The following ATP6V1D variants were observed in gnomAD, a reference collection of about 807,000 sequenced individuals.
ATP6V1D encodes ATPase H+ transporting V1 subunit D.
ATP6V1D carries 20 observed loss-of-function variants against 39.4 expected under a neutral mutation model. The observed-to-expected ratio is 0.51, with a 90% CI of 0.36 to 0.74. The LOEUF is 0.74. Among genes scored for constraint, ATP6V1D ranks in the 30% least tolerant of loss-of-function variants. ATP6V1D has a pLI of 0.00. For synonymous variants in ATP6V1D, 100 were observed against 100.5 expected (o/e 0.99, Z 0.03); for missense variants, 228 against 291.6 (o/e 0.78, Z 1.59).
chr14:67,346,529 G>C (rs1053694307), intron 5 of ATP6V1D, among the ~76,000 whole-genome samples: 1 of 152,202 alleles, frequency 6.6e-6, no homozygotes, highest in Non-Finnish European at 1.5e-5. Context: ...TGCCCAGGCT[G>C]GTCTCAAACT....
chr14:67,339,053 G>A (rs1476405837), intron 8 of ATP6V1D, among the ~76,000 whole-genome samples: 2 of 148,964 alleles, frequency 1.3e-5, no homozygotes, highest in Admixed American at 6.7e-5. Flanking sequence ...GAGTGCAGTG[G>A]CGCACGCAAT....
intron 2 of ATP6V1D, among the ~76,000 whole-genome samples, chr14:67,350,912 C>T: frequency 6.6e-6 from 1 of 152,110 alleles, no homozygotes; most frequent in Non-Finnish European, 1.5e-5. Context: ...AGAATAAATG[C>T]ATTGAGAAAC....
At chr14:67,348,719 A>T (rs977822924) in intron 4 of ATP6V1D, 8 of 210,712 alleles carry the variant, frequency 3.8e-5, no homozygotes, top group Non-Finnish European at 6.7e-5. Context: ...ATGGGGTTTC[A>T]CCATGTTGGC....
At position 67,356,219 on chromosome 14, in the gene ATP6V1D, A is replaced by G. The variant is rs557893100; in HGVS notation, c.42-3179T>C. ...TGGATAACTTGAGGTCAGGAGTTCGAGACCACCCTGGCCAACATAGTGAAA... is the reference window on the plus strand; with the variant it reads ...TGGATAACTTGAGGTCAGGAGTTCGGGACCACCCTGGCCAACATAGTGAAA... On this transcript the variant is annotated intron_variant, in intron 1 of 8. Transcript: ENST00000216442. 3.3e-5 allele frequency among the ~76,000 whole-genome samples: 5 copies of G among 152,248 alleles called. No individual in the cohort carries two copies. The South Asian group carries it at 1.0e-3, about 32-fold the overall frequency.
Position 67,352,942 on chromosome 14 carries a change from A to C in ATP6V1D, c.140T>G (p.Ile47Ser). ...SDALTLRFRQ[I>S]LKKIIETKML... ...TTCTACCTCTATTATCTTCTTTAGG[A>C]TCTGTCGAAATCGAAGAGTTAAGGC... Residue 47 changes from isoleucine (I) to serine (S), a missense_variant, in exon 2 of 9, where the codon ATC becomes AGC. Around this residue, in one of 3 missense-constraint regions of ATP6V1D, gnomAD observed 104 missense variants for 120.2 expected, o/e 0.87. Transcript: ENST00000216442. The C allele has an allele frequency of 6.2e-7, 1 of 1,609,772 alleles. No individual in the cohort carries two copies. The highest frequency in any genetic ancestry group is 8.5e-7 in the Non-Finnish European group (1 of 1,176,202).
intron 3 of ATP6V1D, among the ~76,000 whole-genome samples, chr14:67,349,528 A>T (rs920578899): frequency 6.6e-6 from 1 of 152,162 alleles, no homozygotes; most frequent in Non-Finnish European, 1.5e-5. Context: ...GTGACTTCTC[A>T]AATGTTACCA....
At chr14:67,346,941 T>C (rs948009184) in intron 5 of ATP6V1D, among the ~76,000 whole-genome samples, 13 of 152,248 alleles carry the variant, frequency 8.5e-5, no homozygotes, top group African/African-American at 3.1e-4. Context: ...TGATAAAATA[T>C]TGAAATATTT....
intron 1 of ATP6V1D, among the ~76,000 whole-genome samples, chr14:67,357,011 A>G (rs771700214): frequency 6.6e-5 from 10 of 152,204 alleles, no homozygotes; most frequent in Non-Finnish European, 1.3e-4. Context: ...TTTTCCTCCT[A>G]GGGAATGGCA....
chr14:67,348,366 G>A (rs1422082785), intron 4 of ATP6V1D, among the ~76,000 whole-genome samples: 1 of 151,270 alleles, frequency 6.6e-6, no homozygotes, highest in South Asian at 2.1e-4. Context: ...CATCACACCC[G>A]GCCTAATTTT....
Position 67,347,464 on chromosome 14 carries a change from C to G in ATP6V1D, c.308-11G>C. Reference sequence around the variant, plus strand: ...CTGGCAAAGTAACACCTGTTAAACACAGAAGCATACATGGATTCATAAACC... The same window carrying G: ...CTGGCAAAGTAACACCTGTTAAACAGAGAAGCATACATGGATTCATAAACC... On this transcript the variant is annotated splice_polypyrimidine_tract_variant and intron_variant, in intron 4 of 8. Transcript: ENST00000216442. 1 of 1,592,548 alleles carries G rather than the reference C, an allele frequency of 6.3e-7. No individual in the cohort carries two copies.
rs748614540 is a variant in ATP6V1D, at chr14:67,345,775, G to C, written c.449C>G (p.Ser150Cys). The C allele has an allele frequency of 1.2e-6, 2 of 1,611,622 alleles. No individual in the cohort carries two copies. Among genetic ancestry groups the C allele is most frequent in the South Asian group, 2.2e-5 (2 of 90,990 alleles). The change falls in exon 6 of 9, where the codon TCT becomes TGT. Residue 150 changes from serine (S) to cysteine (C), a missense_variant. Around this residue, in one of 3 missense-constraint regions of ATP6V1D, gnomAD observed 114 missense variants for 128.3 expected, o/e 0.89. Transcript: ENST00000216442. ...AGGTCTTTTGCTACTTACCTGCAGA[G>C]AAGCTAGTTCCACCAGTAGTTCCAC... Reference protein sequence around the residue: ...KAVELLVELASLQTSFVTLDE... With the variant: ...KAVELLVELACLQTSFVTLDE...
intron 7 of ATP6V1D, 115 bp downstream of exon 7, chr14:67,343,257 G>A: frequency 1.4e-6 from 1 of 738,896 alleles, no homozygotes; most frequent in South Asian, 2.4e-5. Flanking sequence ...CTGTGGGCAA[G>A]GGAAGCATCT....
chr14:67,347,473 A>G lies in ATP6V1D; in HGVS notation c.308-20T>C. On this transcript the variant is annotated intron_variant, in intron 4 of 8. Transcript: ENST00000216442. ...TAACACCTGTTAAACACAGAAGCATACATGGATTCATAAACCTTTAAGTTC... is the reference window on the plus strand; with the variant it reads ...TAACACCTGTTAAACACAGAAGCATGCATGGATTCATAAACCTTTAAGTTC... 6.3e-7 allele frequency: 1 copy of G among 1,583,148 alleles called. No homozygotes were observed. The highest frequency in any genetic ancestry group is 2.3e-5 in the East Asian group (1 of 44,360).
At chr14:67,350,741 A>G in intron 2 of ATP6V1D, 51 bp from the exon 3 acceptor site, 1 of 1,482,680 alleles carries the variant, frequency 6.7e-7, no homozygotes, top group Non-Finnish European at 9.4e-7. Flanking sequence ...TTACAAGGAA[A>G]TATTCCATCA....
intron 4 of ATP6V1D, 49 bp from the exon 5 acceptor site, chr14:67,347,502 C>CAT: frequency 2.7e-6 from 3 of 1,112,678 alleles, no homozygotes; most frequent in Non-Finnish European, 3.8e-6. Context: ...TAAGTTCTCT[C>CAT]TTTTTTTTTT....
At chr14:67,349,199 G>A (rs987400742) in intron 3 of ATP6V1D, 95 bp from the exon 4 acceptor site, 9 of 1,172,794 alleles carry the variant, frequency 7.7e-6, no homozygotes, top group Non-Finnish European at 1.1e-5. Context: ...GAGACCAAGA[G>A]TGAGATGTCA....
chr14:67,342,557 C>CTT (rs767148771), intron 7 of ATP6V1D, among the ~76,000 whole-genome samples: 2,591 of 136,936 alleles, frequency 0.019, 38 homozygotes, highest in African/African-American at 0.024. Flanking sequence ...ACGAATTATC[C>CTT]TTTTTTTTTT....
intron 5 of ATP6V1D, 150 bp downstream of exon 5, chr14:67,347,259 G>C: frequency 4.8e-6 from 3 of 625,290 alleles, no homozygotes; most frequent in Non-Finnish European, 8.2e-6. Context: ...TTGATTAACT[G>C]ATCAACTATT....
At chr14:67,351,601 T>C (rs2085653879) in intron 2 of ATP6V1D, among the ~76,000 whole-genome samples, 1 of 152,118 alleles carries the variant, frequency 6.6e-6, no homozygotes, top group Non-Finnish European at 1.5e-5. Flanking sequence ...TTCAAACTCA[T>C]AGGCTCAGGC....
Sources: allele counts gnomAD v4.1 joint callset (sites outside exome capture counted in the v4.1 genomes callset), GRCh38; gene constraint gnomAD v4.1.1; regional missense constraint gnomAD v4.1.1; transcripts MANE v1.5; gene names NCBI Gene and HGNC (gene_info 2026-07-23, HGNC 2026-07-21).